The following CA10 variants were observed in gnomAD, a reference collection of about 807,000 sequenced individuals.
The protein encoded by CA10 is carbonic anhydrase 10 (inactive).
Under a neutral mutation model 44.2 loss-of-function variants are expected in CA10, and 14 were observed. The observed-to-expected ratio is 0.32, with a 90% confidence interval of 0.21 to 0.50. The LOEUF is 0.50. Among genes scored for constraint, CA10 ranks in the 20% least tolerant of loss-of-function variants. The probability of loss-of-function intolerance (pLI) is 0.99; values close to 1 mark genes in which losing one functional copy is unlikely to be tolerated. For synonymous variants in CA10, 159 were observed against 141.6 expected, an observed-to-expected ratio of 1.12 and a Z score of -0.87; for missense variants, 350 against 409.7, an observed-to-expected ratio of 0.85 and a Z score of 1.26.
intron 2 of CA10, among the ~76,000 whole-genome samples, chr17:51,970,909 A>C: frequency 6.6e-6 from 1 of 152,054 alleles, no homozygotes; most frequent in East Asian, 1.9e-4. Context: ...CAGTAGAGAA[A>C]GTGGACAAGC....
chr17:51,782,493 A>G (rs537391571), intron 3 of CA10, among the ~76,000 whole-genome samples: 3 of 152,322 alleles, frequency 2.0e-5, no homozygotes, highest in East Asian at 3.9e-4. Flanking sequence ...CCTTTTAACA[A>G]TGGCAGATGG....
At chr17:51,900,792 G>T (rs750477665) in intron 3 of CA10, among the ~76,000 whole-genome samples, 12 of 151,998 alleles carry the variant, frequency 7.9e-5, no homozygotes, top group Non-Finnish European at 1.3e-4. Context: ...CCTCAGCTTG[G>T]TCAATTCTGC....
chr17:51,831,698 A>AGCGGCAGCGGCAGCGGCAGCG (rs1567854587), intron 3 of CA10, among the ~76,000 whole-genome samples: 1 of 81,702 alleles, frequency 1.2e-5, no homozygotes, highest in South Asian at 4.1e-4. Flanking sequence ...CAGCAGCAGC[A>AGCGGCAGCGGCAGCGGCAGCG]GCAGCAGCAG....
rs191435738 is a variant in CA10 at position 51,731,837 on chromosome 17, C to T, written c.465+15796G>A. 1.3e-3 allele frequency among the ~76,000 whole-genome samples: 196 copies of T among 151,922 alleles called. 1 individual carries two copies. The highest frequency in any genetic ancestry group is 3.4e-3 in the Middle Eastern group (1 of 294). ...GGATTACAGACACCCACCACCACACCGGGCTAATTGTATTTTTAGTAGAGA... is the reference window on the plus strand; with the variant it reads ...GGATTACAGACACCCACCACCACACTGGGCTAATTGTATTTTTAGTAGAGA... On this transcript the variant is annotated intron_variant, in intron 4 of 8. Coordinates refer to ENST00000451037, the MANE Select transcript of CA10 (RefSeq NM_020178.5).
At chr17:51,972,061 T>C (rs1410591006) in intron 2 of CA10, among the ~76,000 whole-genome samples, 4 of 152,020 alleles carry the variant, frequency 2.6e-5, no homozygotes, top group African/African-American at 9.7e-5. Context: ...GAAAAAGATA[T>C]GGGCATATGT....
At chr17:52,029,621 C>A (rs1366305388) in intron 2 of CA10, among the ~76,000 whole-genome samples, 1 of 151,962 alleles carries the variant, frequency 6.6e-6, no homozygotes, top group African/African-American at 2.4e-5. Context: ...ATCCCCATCA[C>A]TGTTGTGGAA....
At chr17:51,734,878 A>AGTT (rs1916846961) in intron 4 of CA10, among the ~76,000 whole-genome samples, 8 of 152,142 alleles carry the variant, frequency 5.3e-5, no homozygotes, top group African/African-American at 1.9e-4. Context: ...AGATCAACAC[A>AGTT]CCAGCAGGCT....
chr17:52,072,503 A>C, intron 1 of CA10, 110 bp from the exon 2 acceptor site: 1 of 709,936 alleles, frequency 1.4e-6, no homozygotes, highest in Non-Finnish European at 2.4e-6. Context: ...TTCTACCCCA[A>C]AGTCATACTA....
intron 3 of CA10, among the ~76,000 whole-genome samples, chr17:51,822,080 A>G (rs182566487): frequency 2.6e-5 from 4 of 152,204 alleles, no homozygotes; most frequent in Admixed American, 2.0e-4. Flanking sequence ...AGATATACAC[A>G]TAGATCATCC....
At chr17:51,966,283 C>T (rs1984078924) in intron 2 of CA10, among the ~76,000 whole-genome samples, 1 of 151,890 alleles carries the variant, frequency 6.6e-6, no homozygotes, top group Non-Finnish European at 1.5e-5. Flanking sequence ...GCCATGCTGC[C>T]CAGTGCAATC....
At chr17:51,662,026 G>A (rs1197917179) in intron 4 of CA10, among the ~76,000 whole-genome samples, 3 of 152,196 alleles carry the variant, frequency 2.0e-5, no homozygotes, top group Non-Finnish European at 4.4e-5. Flanking sequence ...GTCTGTGACT[G>A]TAGTTTTCTG....
intron 4 of CA10, among the ~76,000 whole-genome samples, chr17:51,731,001 C>T (rs529071654): frequency 5.5e-4 from 83 of 152,136 alleles, no homozygotes; most frequent in African/African-American, 1.9e-3. Flanking sequence ...CCGGATAAGA[C>T]GGTCCCTGAC....
At chr17:51,838,965 TACC>T (rs1178996582) in intron 3 of CA10, among the ~76,000 whole-genome samples, 2 of 152,232 alleles carry the variant, frequency 1.3e-5, no homozygotes, top group African/African-American at 4.8e-5. Flanking sequence ...ATCGTGTGCT[TACC>T]ACCAAAGTCA....
At chr17:51,961,665 A>G (rs1168353668) in intron 2 of CA10, among the ~76,000 whole-genome samples, 2 of 152,320 alleles carry the variant, frequency 1.3e-5, no homozygotes, top group East Asian at 1.9e-4. Flanking sequence ...AGAGAAAATT[A>G]TAGACAACTC....
Position 51,635,856 on chromosome 17 carries a change from T to C in CA10, c.788A>G (p.Gln263Arg). 1 of 1,572,118 alleles carries C rather than the reference T, an allele frequency of 6.4e-7. No individual in the cohort carries two copies. The highest frequency in any genetic ancestry group is 8.6e-7 in the Non-Finnish European group (1 of 1,157,698). The change falls in exon 7 of 9, where the codon CAG becomes CGG. Residue 263 changes from glutamine to arginine, a missense_variant and splice_region_variant. Transcript: ENST00000451037. The stretch of plus-strand genomic sequence containing the variant: ...CTAAATGACCAGAGAGAAACTCACC[T>C]GCATCCTGGTTATATAGACAGGTTT... Reference protein sequence around the residue: ...MNKPVYITRMQMHSLRLLSQN... With the variant: ...MNKPVYITRMRMHSLRLLSQN...
At chr17:51,693,286 T>G (rs1915282282) in intron 4 of CA10, among the ~76,000 whole-genome samples, 1 of 152,222 alleles carries the variant, frequency 6.6e-6, no homozygotes, top group East Asian at 1.9e-4. Flanking sequence ...TTAGCTGGTT[T>G]TGGCTGGTTT....
intron 2 of CA10, among the ~76,000 whole-genome samples, chr17:52,039,500 G>A (rs1986710489): frequency 6.6e-6 from 1 of 151,932 alleles, no homozygotes; most frequent in Non-Finnish European, 1.5e-5. Context: ...CTGAACCAAT[G>A]GGCTCCCTGT....
intron 1 of CA10, among the ~76,000 whole-genome samples, chr17:52,142,517 T>C (rs1989504187): frequency 2.0e-5 from 3 of 152,112 alleles, no homozygotes; most frequent in African/African-American, 7.2e-5. Flanking sequence ...TTATTTTTTT[T>C]GAAAATACTT....
chr17:52,099,609 A>T (rs1239455860), intron 1 of CA10, among the ~76,000 whole-genome samples: 1 of 152,192 alleles, frequency 6.6e-6, no homozygotes, highest in Non-Finnish European at 1.5e-5. Flanking sequence ...AGTCATCCAC[A>T]TGTTGGTGGC....
Sources: gnomAD v4.1 joint callset for allele counts (sites outside exome capture counted in the v4.1 genomes callset) on GRCh38, gnomAD v4.1.1 for gene constraint, MANE v1.5 for transcripts, NCBI Gene and HGNC (gene_info 2026-07-23, HGNC 2026-07-21) for gene names.